OR8G1: variants seen among roughly 807,000 people sequenced by gnomAD.
The protein encoded by OR8G1 is olfactory receptor family 8 subfamily G member 1.
For missense variants in OR8G1, 372 were observed against 356.2 expected (o/e 1.04, Z -0.36); for synonymous variants, 129 against 133.3 (o/e 0.97, Z 0.22).
At position 124,241,222 on chromosome 11, in the gene OR8G1, T is replaced by G. The variant is rs1442073870; in HGVS notation, c.-239T>G. ...GGCCCTGCCCTCTCAACACTAAAGA[T>G]TCCAGAATGCTGGGTGTCTATGACT... On this transcript the variant is annotated 5_prime_UTR_variant, in exon 1 of 3. Transcript: ENST00000641972. The G allele has an allele frequency of 1.3e-5, 2 of 152,050 alleles. No homozygotes were observed. The highest frequency in any genetic ancestry group is 2.4e-5 in the African/African-American group (1 of 41,408). The allele number at this position is 152,050 out of a possible 1,614,324, so 9.4% of individuals were successfully genotyped here. A position where few individuals can be genotyped will look rare whatever the true frequency, so the allele number is the denominator to read the frequency against.
chr11:124,250,211 G>A lies in OR8G1; in HGVS notation c.536G>A (p.Cys179Tyr), dbSNP rs775608072. Residue 179 changes from cysteine (C) to tyrosine (Y), a missense_variant, in exon 3 of 3, where the codon TGT becomes TAT. Coordinates refer to ENST00000641972, the MANE Select transcript of OR8G1 (RefSeq NM_001002905.2). ...CKFDLINHYF[C>Y]DLLPLLKLSC... is the part of the protein sequence containing the mutation. ...TTTGATTTGATTAACCATTATTTCT[G>A]TGATCTTCTTCCCCTCCTAAAGCTC... 2 of 1,613,748 alleles carry A rather than the reference G, an allele frequency of 1.2e-6. No individual in the cohort carries two copies. The highest frequency in any genetic ancestry group is 2.2e-5 in the East Asian group (1 of 44,866).
chr11:124,251,492 C>G lies in OR8G1; in HGVS notation c.*881C>G, dbSNP rs1861867328. 4.8e-6 allele frequency: 3 copies of G among 619,184 alleles called. No individual in the cohort carries two copies. The highest frequency in any genetic ancestry group is 7.6e-6 in the Non-Finnish European group (3 of 394,684). The allele number at this position is 619,184 out of a possible 1,614,324, so 38.4% of individuals were successfully genotyped here. ...CAAGAATCTATAATATAACTGGTAA[C>G]ATTCTGACCTATTCTATGCTAAGAT... On this transcript the variant is annotated 3_prime_UTR_variant, in exon 3 of 3. Coordinates refer to ENST00000641972, the MANE Select transcript of OR8G1 (RefSeq NM_001002905.2).
chr11:124,243,558 T>G (rs935871695), intron 1 of OR8G1, among the ~76,000 whole-genome samples: 2 of 152,024 alleles, frequency 1.3e-5, no homozygotes, highest in African/African-American at 2.4e-5. Context: ...ACAACAGTAT[T>G]TCTCTTCTTC....
At position 124,251,574 on chromosome 11, in the gene OR8G1, C is replaced by T. The variant is rs1172163501; in HGVS notation, c.*963C>T. On this transcript the variant is annotated 3_prime_UTR_variant, in exon 3 of 3. Coordinates refer to ENST00000641972, the MANE Select transcript of OR8G1 (RefSeq NM_001002905.2). The stretch of plus-strand genomic sequence containing the variant: ...TGCAGATATGATAACTTGTTAACAC[C>T]TGATTTTTTAAGTCATTAAACCCTC... 2 of 297,168 alleles carry T rather than the reference C, an allele frequency of 6.7e-6. No homozygotes were observed. The highest frequency in any genetic ancestry group is 1.3e-5 in the Non-Finnish European group (2 of 157,460). 18.4% of individuals were successfully genotyped at this position (297,168 alleles called of 1,614,324 possible). A position where few individuals can be genotyped will look rare whatever the true frequency, so the allele number is the denominator to read the frequency against.
chr11:124,241,933 A>G (rs1861764589), intron 1 of OR8G1, among the ~76,000 whole-genome samples: 1 of 152,076 alleles, frequency 6.6e-6, no homozygotes, highest in Admixed American at 6.6e-5. Context: ...CCTGTTCATC[A>G]GTGTCCCTGA....
intron 1 of OR8G1, among the ~76,000 whole-genome samples, chr11:124,245,305 A>C (rs1403165386): frequency 1.4e-5 from 2 of 146,916 alleles, no homozygotes; most frequent in African/African-American, 5.1e-5. Context: ...AAGAATGATG[A>C]TTTCCAATTT....
intron 1 of OR8G1, among the ~76,000 whole-genome samples, chr11:124,244,135 TGAG>T (rs1565315013): frequency 1.0e-5 from 1 of 99,804 alleles, no homozygotes; most frequent in African/African-American, 4.0e-5. Context: ...GGAGAGAGAA[TGAG>T]GAAAGGATGG....
At position 124,251,915 on chromosome 11, in the gene OR8G1, A is replaced by T. The variant is rs1270708160; in HGVS notation, c.*1304A>T. The T allele has an allele frequency of 6.6e-6, 1 of 152,494 alleles. No individual in the cohort carries two copies. Among genetic ancestry groups the T allele is most frequent in the Non-Finnish European group, 1.5e-5 (1 of 68,240 alleles). 9.4% of individuals were successfully genotyped at this position (152,494 alleles called of 1,614,324 possible). A position where few individuals can be genotyped will look rare whatever the true frequency, so the allele number is the denominator to read the frequency against. ...GGGTGCTACGTGATCAAATACAATA[A>T]GCTATGTTTCTATAACCAGAAGAAA... On this transcript the variant is annotated 3_prime_UTR_variant, in exon 3 of 3. Coordinates refer to ENST00000641972, the MANE Select transcript of OR8G1 (RefSeq NM_001002905.2).
chr11:124,250,442 C>A lies in OR8G1; in HGVS notation c.767C>A (p.Ala256Glu). 2 of 1,613,778 alleles carry A rather than the reference C, an allele frequency of 1.2e-6. No individual in the cohort carries two copies. Among genetic ancestry groups the A allele is most frequent in the South Asian group, 2.2e-5 (2 of 91,078 alleles). Residue 256 changes from alanine (A) to glutamate (E), a missense_variant, in exon 3 of 3, where the codon GCA becomes GAA. Physicochemically the swap from Ala to Glu is moderately radical, Grantham distance 107. Coordinates refer to ENST00000641972, the MANE Select transcript of OR8G1 (RefSeq NM_001002905.2). Reference sequence around the variant, plus strand: ...GTTGTAATCTTTTTTGGATCTGCAGCATTCATGTACTTGCAGCCATCTTCA... The same window carrying A: ...GTTGTAATCTTTTTTGGATCTGCAGAATTCATGTACTTGCAGCCATCTTCA... Reference protein sequence around the residue: ...LAVVIFFGSAAFMYLQPSSIS... With the variant: ...LAVVIFFGSAEFMYLQPSSIS...
rs546849866 is a variant in OR8G1 at position 124,251,714 on chromosome 11, G to T, written c.*1103G>T. The T allele has an allele frequency of 5.4e-6, 1 of 185,524 alleles. No homozygotes were observed. The highest frequency in any genetic ancestry group is 2.4e-5 in the African/African-American group (1 of 42,412). 11.5% of individuals were successfully genotyped at this position (185,524 alleles called of 1,614,324 possible). On this transcript the variant is annotated 3_prime_UTR_variant, in exon 3 of 3. Transcript: ENST00000641972. Reference sequence around the variant, plus strand: ...CTGATGGGTAAACATAGCAAATCTGGTGATAGAGTTGGAACCTGAATAGCA... The same window carrying T: ...CTGATGGGTAAACATAGCAAATCTGTTGATAGAGTTGGAACCTGAATAGCA...
In OR8G1 at chr11:124,250,274, T is replaced by C; in HGVS notation, c.599T>C (p.Leu200Pro). 6.2e-7 allele frequency: 1 copy of C among 1,613,792 alleles called. No individual in the cohort carries two copies. Among genetic ancestry groups the C allele is most frequent in the Non-Finnish European group, 8.5e-7 (1 of 1,179,812 alleles). Residue 200 changes from leucine (L) to proline (P), a missense_variant, in exon 3 of 3, where the codon CTA becomes CCA. Transcript: ENST00000641972. ...ATCTATGTCAACAAACTACTTATTCTATGTGTTGGTGCATTTAACATCCTT... is the reference window on the plus strand; with the variant it reads ...ATCTATGTCAACAAACTACTTATTCCATGTGTTGGTGCATTTAACATCCTT... ...SSIYVNKLLI[L>P]CVGAFNILVP...
In OR8G1 at chr11:124,250,135, G is replaced by T; in HGVS notation, c.460G>T (p.Val154Phe). The part of the protein sequence containing the change: ...LILGVYIIGL[V>F]CASVHTGCMF... ...TTTAGGGGTGTATATAATAGGCCTGGTTTGTGCATCAGTTCATACAGGCTG... is the reference window on the plus strand; with the variant it reads ...TTTAGGGGTGTATATAATAGGCCTGTTTTGTGCATCAGTTCATACAGGCTG... The change falls in exon 3 of 3, where the codon GTT (valine) becomes TTT (phenylalanine). Residue 154 changes from valine (V) to phenylalanine (F), a missense_variant. Transcript: ENST00000641972. The T allele has an allele frequency of 6.2e-7, 1 of 1,613,752 alleles. No individual in the cohort carries two copies. Among genetic ancestry groups the T allele is most frequent in the Non-Finnish European group, 8.5e-7 (1 of 1,179,824 alleles).
intron 1 of OR8G1, among the ~76,000 whole-genome samples, chr11:124,246,143 T>C (rs2137747119): frequency 6.6e-6 from 1 of 152,042 alleles, no homozygotes; most frequent in East Asian, 1.9e-4. Context: ...GTTTTTATGG[T>C]TTTATGTCTA....
intron 1 of OR8G1, among the ~76,000 whole-genome samples, chr11:124,243,601 C>G (rs1861781033): frequency 6.6e-6 from 1 of 151,936 alleles, no homozygotes; most frequent in Non-Finnish European, 1.5e-5. Flanking sequence ...TATAAACAAT[C>G]AATTCACGTA....
chr11:124,245,929 G>T (rs998004413), intron 1 of OR8G1, among the ~76,000 whole-genome samples: 4 of 144,820 alleles, frequency 2.8e-5, no homozygotes, highest in African/African-American at 7.9e-5. Context: ...TTTGTCAGAT[G>T]AGTAGGTTGC....
rs986115375 is a variant in OR8G1, at chr11:124,252,614, T to G, written c.*2003T>G. On this transcript the variant is annotated 3_prime_UTR_variant, in exon 3 of 3. Transcript: ENST00000641972. ...CTCGAGTAGAGAATACACACTCAAA[T>G]ATTTATTAATGATTATACCAAACAC... is the stretch of plus-strand genomic sequence containing the variant. 1 of 152,318 alleles carries G rather than the reference T, an allele frequency of 6.6e-6. No individual in the cohort carries two copies. Among genetic ancestry groups the G allele is most frequent in the Non-Finnish European group, 1.5e-5 (1 of 68,036 alleles). The allele number at this position is 152,318 out of a possible 1,614,324, so 9.4% of individuals were successfully genotyped here. A position where few individuals can be genotyped will look rare whatever the true frequency, so the allele number is the denominator to read the frequency against.
At chr11:124,246,479 C>A in intron 1 of OR8G1, among the ~76,000 whole-genome samples, 1 of 151,530 alleles carries the variant, frequency 6.6e-6, no homozygotes. Context: ...AAAGTTTAGG[C>A]AAGATACATT....
Position 124,249,817 on chromosome 11 carries a change from C to T in OR8G1, c.142C>T (p.Leu48=), listed in dbSNP as rs1351366790. 1 of 1,614,042 alleles carries T rather than the reference C, an allele frequency of 6.2e-7. No individual in the cohort carries two copies. Among genetic ancestry groups the T allele is most frequent in the East Asian group, 2.2e-5 (1 of 44,866 alleles). The change falls in exon 3 of 3, where the codon CTG becomes TTG. Residue 48 remains leucine (L), a synonymous_variant. Transcript: ENST00000641972. ...GGTGGGCAACCTGGGCATGACCACA[C>T]TGATTTGGCTCAGTTCTCACCTGCA... ...TVVGNLGMTT[L]IWLSSHLHTP...
rs1030371435 is a variant in OR8G1, at chr11:124,253,818, T to C, written c.*3207T>C. On this transcript the variant is annotated 3_prime_UTR_variant, in exon 3 of 3. Transcript: ENST00000641972. ...TGTGAGATCATGTAGTATTTGTCTT[T>C]CTGTGCCTGGCTTATTTCATGTAAT... The C allele has an allele frequency of 1.3e-5, 2 of 152,208 alleles. No homozygotes were observed. Among genetic ancestry groups the C allele is most frequent in the African/African-American group, 4.8e-5 (2 of 41,452 alleles). 9.4% of individuals were successfully genotyped at this position (152,208 alleles called of 1,614,324 possible). A position where few individuals can be genotyped will look rare whatever the true frequency, so the allele number is the denominator to read the frequency against.
Sources: gnomAD v4.1 joint callset for allele counts (sites outside exome capture counted in the v4.1 genomes callset) on GRCh38, gnomAD v4.1.1 for gene constraint, MANE v1.5 for transcripts, NCBI Gene and HGNC (gene_info 2026-07-23, HGNC 2026-07-21) for gene names.